Variants in SLC5A10 observed in about 807,000 individuals in gnomAD.
SLC5A10 encodes sodium/mannose cotransporter SLC5A10.
A neutral mutation model predicts 68.9 loss-of-function variants in SLC5A10; 55 were observed. The ratio of observed to expected loss-of-function variants is 0.80; its 90% CI spans 0.64 to 1.00. The LOEUF is 1.00. Among genes scored for constraint, SLC5A10 ranks in the 50% least tolerant of loss-of-function variants. The pLI is 0.00. For synonymous variants in SLC5A10, 344 were observed against 344.8 expected (o/e 1.00, Z 0.02); for missense variants, 732 against 819.3 (o/e 0.89, Z 1.30).
chr17:19,020,004 C>T (rs1243291637), intron 13 of SLC5A10, 76 bp downstream of exon 13: 1 of 1,485,854 alleles, frequency 6.7e-7, no homozygotes, highest in Non-Finnish European at 9.2e-7. Context: ...CCGACCCACT[C>T]TGACTCAGAA....
chr17:18,983,534 G>C (rs1392387281), intron 9 of SLC5A10, among the ~76,000 whole-genome samples: 3 of 152,214 alleles, frequency 2.0e-5, no homozygotes, highest in African/African-American at 7.2e-5. Context: ...GCAGTGGGGA[G>C]GTCCAGAGAT....
intron 5 of SLC5A10, among the ~76,000 whole-genome samples, chr17:18,963,353 C>G: frequency 6.6e-6 from 1 of 152,212 alleles, no homozygotes. Context: ...CAACCTCAGC[C>G]CTGCTGCCCT....
chr17:18,969,025 C>T (rs749769587), intron 5 of SLC5A10, 27 bp from the exon 6 acceptor site: 2 of 1,599,716 alleles, frequency 1.3e-6, no homozygotes, highest in Non-Finnish European at 8.5e-7. Flanking sequence ...GAATAACAGT[C>T]CCACACAAGG....
rs762582257 is a variant in SLC5A10, at chr17:18,959,589, T to C, written c.289-15T>C. On this transcript the variant is annotated splice_polypyrimidine_tract_variant and intron_variant, in intron 3 of 14. Transcript: ENST00000395645. ...GAGCTGCACCTGCAGTCCTCACCTG[T>C]CTCTGTCCCCATAGGCCACGTACGT... 64 of 1,613,362 alleles carry C rather than the reference T, an allele frequency of 4.0e-5. No individual in the cohort carries two copies. The highest frequency in any genetic ancestry group is 4.5e-5 in the Non-Finnish European group (53 of 1,179,866).
rs569703055 is a variant in SLC5A10 at position 19,015,059 on chromosome 17, G to A, written c.1101G>A (p.Gly367=). Residue 367 remains glycine (G), a synonymous_variant, in exon 11 of 15, where the codon GGG becomes GGA. Transcript: ENST00000395645. Reference sequence around the variant, plus strand: ...CCCGTCCCACCCCAGGTCTGCGGGGGCTGATGATCGCAGTGATGCTGGCGG... The same window carrying A: ...CCCGTCCCACCCCAGGTCTGCGGGGACTGATGATCGCAGTGATGCTGGCGG... ...VMELMPIGLR[G]LMIAVMLAAL... is the part of the protein sequence containing the mutation. 36 of 1,613,700 alleles carry A rather than the reference G, an allele frequency of 2.2e-5. No individual in the cohort carries two copies. The East Asian group carries it at 4.9e-4, about 22-fold the overall frequency.
At position 19,003,669 on chromosome 17, in the gene SLC5A10, C is replaced by T; in HGVS notation, c.983-9741C>T. ...AGGTCCAGCTGCGGGATGGAGCGGTCCGACTTCTGGGGCCAGTACTCCAGG... is the reference window on the plus strand; with the variant it reads ...AGGTCCAGCTGCGGGATGGAGCGGTTCGACTTCTGGGGCCAGTACTCCAGG... On this transcript the variant is annotated intron_variant, in intron 9 of 14. Transcript: ENST00000395645. The surrounding 1 kb of genome is among the most constrained non-coding windows in gnomAD (Gnocchi z 4.5). The T allele has an allele frequency of 6.2e-7, 1 of 1,611,676 alleles. No homozygotes were observed. The highest frequency in any genetic ancestry group is 8.5e-7 in the Non-Finnish European group (1 of 1,179,282).
chr17:18,978,888 C>T, intron 9 of SLC5A10: 1 of 1,601,726 alleles, frequency 6.2e-7, no homozygotes, highest in Admixed American at 1.7e-5. Flanking sequence ...AGGCACATGA[C>T]CCTGCTTCCT....
chr17:18,981,637 C>A (rs905906561), intron 9 of SLC5A10, among the ~76,000 whole-genome samples: 1 of 152,190 alleles, frequency 6.6e-6, no homozygotes. Flanking sequence ...AGGCAAGCAA[C>A]CACAGAGGCA....
At position 18,989,587 on chromosome 17, in the gene SLC5A10, T is replaced by A. The variant is rs150585161; in HGVS notation, c.982+12598T>A. On this transcript the variant is annotated intron_variant, in intron 9 of 14. Transcript: ENST00000395645. The stretch of plus-strand genomic sequence containing the variant: ...ACCCAGTTTTCTCATCAGTATAGCA[T>A]GCTCCATCTCTCAGGAGAATGGAGC... Among the ~76,000 whole-genome samples, 968 of 152,352 alleles carry A rather than the reference T, an allele frequency of 6.4e-3. 9 individuals are homozygous for A. Among genetic ancestry groups the A allele is most frequent in the African/African-American group, 0.022 (895 of 41,584 alleles).
rs750565477 is a variant in SLC5A10 at position 19,019,510 on chromosome 17, G to A, written c.1329G>A (p.Met443Ile). ...ACAGCGGGCAACTCTTCATCTACATGCAGTCAGTGACCAGCTCCCTGGCCC... is the reference window on the plus strand; with the variant it reads ...ACAGCGGGCAACTCTTCATCTACATACAGTCAGTGACCAGCTCCCTGGCCC... ...DSNSGQLFIY[M>I]QSVTSSLAPP... Residue 443 changes from methionine (M) to isoleucine (I), a missense_variant, in exon 12 of 15, where the codon ATG (methionine) becomes ATA (isoleucine). Transcript: ENST00000395645. 1 of 1,612,488 alleles carries A rather than the reference G, an allele frequency of 6.2e-7. No homozygotes were observed. Among genetic ancestry groups the A allele is most frequent in the South Asian group, 1.1e-5 (1 of 91,076 alleles).
intron 9 of SLC5A10, among the ~76,000 whole-genome samples, chr17:19,006,881 T>G (rs1426187859): frequency 1.3e-5 from 2 of 152,260 alleles, no homozygotes; most frequent in African/African-American, 4.8e-5. Flanking sequence ...TTTTCATTGC[T>G]GACTAGTATT....
chr17:19,012,221 G>A (rs1004240624), intron 9 of SLC5A10, among the ~76,000 whole-genome samples: 7 of 152,192 alleles, frequency 4.6e-5, no homozygotes, highest in African/African-American at 1.7e-4. Flanking sequence ...TCAGCCCCAC[G>A]ACTGCTAACA....
At chr17:18,993,133 A>G (rs985858361) in intron 9 of SLC5A10, among the ~76,000 whole-genome samples, 1 of 152,154 alleles carries the variant, frequency 6.6e-6, no homozygotes, top group Non-Finnish European at 1.5e-5. Flanking sequence ...CCTCTGCAGC[A>G]GCACCTCTTC....
At chr17:19,002,501 C>T (rs1196085475) in intron 9 of SLC5A10, among the ~76,000 whole-genome samples, 1 of 152,230 alleles carries the variant, frequency 6.6e-6, no homozygotes, top group Non-Finnish European at 1.5e-5. Context: ...AATTGGCTGC[C>T]CTGCTCTGGG....
At chr17:18,960,837 C>T (rs1261832465) in intron 5 of SLC5A10, among the ~76,000 whole-genome samples, 185 bp downstream of exon 5, 1 of 152,162 alleles carries the variant, frequency 6.6e-6, no homozygotes, top group Admixed American at 6.5e-5. Flanking sequence ...AGTCCAGGGC[C>T]CCCGGGGTGT....
rs2044213760 is a variant in SLC5A10, at chr17:19,019,534, C to G, written c.1353C>G (p.Ala451=). ...IYMQSVTSSL[A]PPVTAVFVLG... The stretch of plus-strand genomic sequence containing the variant: ...TGCAGTCAGTGACCAGCTCCCTGGC[C>G]CCACCAGTGACTGCAGTCTTTGTCC... The change falls in exon 12 of 15, where the codon GCC becomes GCG. Residue 451 remains alanine (A), a synonymous_variant. Transcript: ENST00000395645. The G allele has an allele frequency of 2.5e-6, 4 of 1,612,406 alleles. No homozygotes were observed. The highest frequency in any genetic ancestry group is 3.4e-6 in the Non-Finnish European group (4 of 1,179,988).
Position 19,013,624 on chromosome 17 carries a change from G to C in SLC5A10, c.1090+107G>C, listed in dbSNP as rs1238324103. ...GCCACTCACTGGCCAAGAAATTTGG[G>C]GCATGTCACTTCCCTGCTTGGAGCC... On this transcript the variant is annotated intron_variant, in intron 10 of 14. Transcript: ENST00000395645. 3 of 138,824 alleles carry C rather than the reference G, an allele frequency of 2.2e-5. 1 individual carries two copies. The Admixed American group carries it at 4.1e-4, about 19-fold the overall frequency. 8.6% of individuals were successfully genotyped at this position (138,824 alleles called of 1,614,324 possible). A position where few individuals can be genotyped will look rare whatever the true frequency, so the allele number is the denominator to read the frequency against.
At chr17:18,982,932 C>T (rs949527632) in intron 9 of SLC5A10, among the ~76,000 whole-genome samples, 1 of 152,264 alleles carries the variant, frequency 6.6e-6, no homozygotes, top group Non-Finnish European at 1.5e-5. Flanking sequence ...TGCAAGGCTG[C>T]TGTGAGGACT....
At position 19,017,047 on chromosome 17, in the gene SLC5A10, C is replaced by CA. The variant is rs2044154603; in HGVS notation, c.1241+1849dup. On this transcript the variant is annotated intron_variant, in intron 11 of 14. Transcript: ENST00000395645. The surrounding 1 kb of genome is among the most constrained non-coding windows in gnomAD (Gnocchi z 5.6). ...TGGCCTCCTGCTGCGCCAGCTCACCCAGCTGCCCGTGCCCTTGACCCTCCT... is the reference window on the plus strand; with the variant it reads ...TGGCCTCCTGCTGCGCCAGCTCACCCAAGCTGCCCGTGCCCTTGACCCTCCT... Among the ~76,000 whole-genome samples the CA allele has an allele frequency of 1.3e-5, 2 of 152,206 alleles. No homozygotes were observed. The highest frequency in any genetic ancestry group is 4.8e-5 in the African/African-American group (2 of 41,450).
Sources: allele counts gnomAD v4.1 joint callset (sites outside exome capture counted in the v4.1 genomes callset), GRCh38; gene constraint gnomAD v4.1.1; non-coding constraint Gnocchi (gnomAD v3.1); transcripts MANE v1.5; gene names NCBI Gene and HGNC (gene_info 2026-07-23, HGNC 2026-07-21).